YTHDC2: variants seen among roughly 807,000 people sequenced by gnomAD.
YTHDC2 encodes 3'-5' RNA helicase YTHDC2.
A neutral mutation model predicts 174.9 loss-of-function variants in YTHDC2; 45 were observed. The ratio of observed to expected loss-of-function variants is 0.26; its 90% CI spans 0.20 to 0.33. The LOEUF is 0.33. Among genes scored for constraint, YTHDC2 ranks in the 10% least tolerant of loss-of-function variants. The pLI is 1.00. For synonymous variants in YTHDC2, 657 were observed against 574.5 expected, an observed-to-expected ratio of 1.14 and a Z score of -2.05; for missense variants, 1,650 against 1,723.7, an observed-to-expected ratio of 0.96 and a Z score of 0.76.
At position 113,532,793 on chromosome 5, in the gene YTHDC2, A is replaced by G. The variant is rs943741612; in HGVS notation, c.676-86A>G. 4.8e-6 allele frequency: 6 copies of G among 1,259,500 alleles called. No homozygotes were observed. In the Admixed American group the frequency reaches 7.0e-5, roughly 15 times the overall value. 78.0% of individuals were successfully genotyped at this position (1,259,500 alleles called of 1,614,324 possible). A position where few individuals can be genotyped will look rare whatever the true frequency, so the allele number is the denominator to read the frequency against. ...TATTTGGACTTGTTATAGAACTTCA[A>G]TTCTAGTGGTTTTTCAGTTGATTCA... is the stretch of plus-strand genomic sequence containing the variant. On this transcript the variant is annotated intron_variant, in intron 4 of 29. Transcript: ENST00000161863.
Position 113,553,767 on chromosome 5 carries a change from A to G in YTHDC2, c.1965A>G (p.Arg655=), listed in dbSNP as rs540460844. The G allele has an allele frequency of 3.7e-6, 6 of 1,612,546 alleles. No homozygotes were observed. In the South Asian group the frequency reaches 6.6e-5, roughly 18 times the overall value. The change falls in exon 15 of 30, where the codon AGA becomes AGG. Residue 655 remains arginine, a splice_region_variant and synonymous_variant. Transcript: ENST00000161863. The part of the protein sequence containing the change: ...DDKRFADSTH[R]YQVFMLHSNM... ...TGTTTTCTCTTTCAATTGTCTGCAG[A>G]TACCAAGTCTTTATGCTTCATTCAA...
At chr5:113,522,066 GGAAA>G (rs1773902821) in intron 2 of YTHDC2, among the ~76,000 whole-genome samples, 1 of 151,624 alleles carries the variant, frequency 6.6e-6, no homozygotes, top group Non-Finnish European at 1.5e-5. Context: ...TCTGCCTAAT[GGAAA>G]TATAAATTAA....
In YTHDC2 at chr5:113,567,406, A is replaced by T. The variant is rs554000763; in HGVS notation, c.3048+109A>T. 1,059 of 143,710 alleles carry T rather than the reference A, an allele frequency of 7.4e-3. 4 individuals are homozygous for T. Among genetic ancestry groups the T allele is most frequent in the East Asian group, 0.017 (90 of 5,388 alleles). 8.9% of individuals were successfully genotyped at this position (143,710 alleles called of 1,614,324 possible). A position where few individuals can be genotyped will look rare whatever the true frequency, so the allele number is the denominator to read the frequency against. Reference sequence around the variant, plus strand: ...GCCTGCTTTAAGAAATTAATTAGTTATATATATATATATATATATATCATT... The same window carrying T: ...GCCTGCTTTAAGAAATTAATTAGTTTTATATATATATATATATATATCATT... On this transcript the variant is annotated intron_variant, in intron 22 of 29. Transcript: ENST00000161863.
chr5:113,584,305 A>C lies in YTHDC2; in HGVS notation c.3651A>C (p.Val1217=), dbSNP rs750426658. The C allele has an allele frequency of 2.8e-5, 45 of 1,610,828 alleles. No individual in the cohort carries two copies. Among genetic ancestry groups the C allele is most frequent in the Non-Finnish European group, 3.7e-5 (44 of 1,178,360 alleles). Residue 1217 remains valine, a synonymous_variant, in exon 26 of 30, where the codon GTA becomes GTC. Coordinates refer to ENST00000161863, the MANE Select transcript of YTHDC2 (RefSeq NM_022828.5). ...TGCTTCCTCCTTCTTGCTCAAGAGT[A>C]CTGATGAAATCTCCATCTCCAGCAT... The part of the protein sequence containing the change: ...FSDECTTAER[V]LMKSPSPALH...
chr5:113,529,097 A>G (rs571726752), intron 4 of YTHDC2, among the ~76,000 whole-genome samples: 1 of 152,096 alleles, frequency 6.6e-6, no homozygotes, highest in African/African-American at 2.4e-5. Context: ...TGTCTAAACA[A>G]CTGCATAGTA....
rs529938671 is a variant in YTHDC2, at chr5:113,579,993, C to A, written c.3354+298C>A. On this transcript the variant is annotated intron_variant, in intron 24 of 29. Transcript: ENST00000161863. ...TTTATTTCTCACAGTTCTGAAGGAT[C>A]TTAAGTCTGAGATCAAGGTGCTGAC... 86 of 952,806 alleles carry A rather than the reference C, an allele frequency of 9.0e-5. No homozygotes were observed. The African/African-American group carries it at 1.4e-3, about 16-fold the overall frequency. 59.0% of individuals were successfully genotyped at this position (952,806 alleles called of 1,614,324 possible).
chr5:113,582,992 T>C (rs1015851678), intron 25 of YTHDC2: 2 of 152,196 alleles, frequency 1.3e-5, no homozygotes, highest in African/African-American at 4.8e-5. Flanking sequence ...TAGAATTTTC[T>C]TGAGCATTAG....
intron 2 of YTHDC2, among the ~76,000 whole-genome samples, chr5:113,522,298 T>G (rs1434781813): frequency 6.6e-6 from 1 of 152,134 alleles, no homozygotes; most frequent in African/African-American, 2.4e-5. Context: ...ATGTTTGTAT[T>G]TGATTTAAAT....
chr5:113,592,265 AG>A, intron 28 of YTHDC2, 87 bp downstream of exon 28: 1 of 1,333,278 alleles, frequency 7.5e-7, no homozygotes, highest in Non-Finnish European at 1.0e-6. Flanking sequence ...AAAATGTAAG[AG>A]TACAAATTTT....
chr5:113,541,347 A>G (rs1037245053), intron 9 of YTHDC2, among the ~76,000 whole-genome samples: 4 of 151,990 alleles, frequency 2.6e-5, no homozygotes, highest in Non-Finnish European at 5.9e-5. Flanking sequence ...GCCCGCCACC[A>G]TGTCCAGCTA....
intron 23 of YTHDC2, among the ~76,000 whole-genome samples, chr5:113,572,246 C>T (rs2112756204): frequency 6.6e-6 from 1 of 152,322 alleles, no homozygotes; most frequent in Admixed American, 6.5e-5. Flanking sequence ...CATTCAGGAG[C>T]AGGTTGTTCA....
At position 113,569,120 on chromosome 5, in the gene YTHDC2, CAT is replaced by C. The variant is rs1446381048; in HGVS notation, c.3244+1274_3244+1275del. 4.6e-5 allele frequency among the ~76,000 whole-genome samples: 7 copies of C among 152,020 alleles called. No individual in the cohort carries two copies. The South Asian group carries it at 6.2e-4, about 14-fold the overall frequency. On this transcript the variant is annotated intron_variant, in intron 23 of 29. Transcript: ENST00000161863. The stretch of plus-strand genomic sequence containing the variant: ...TGATCAGTGACGTTGAGCTTTTTTT[CAT>C]ATGTTTGTTGGCCACATGTACATCT...
chr5:113,564,085 C>T lies in YTHDC2; in HGVS notation c.2669C>T (p.Thr890Ile). Residue 890 changes from threonine to isoleucine, a missense_variant, in exon 20 of 30, where the codon ACT (threonine) becomes ATT (isoleucine). By Grantham distance (89) the Thr-to-Ile change is moderately conservative. This residue lies in a region of YTHDC2 where 913 missense variants were observed against 940.4 expected (regional missense o/e 0.97). Transcript: ENST00000161863. ...RAAMLCRKRF[T>I]AGAFSDHMAL... is the part of the protein sequence containing the mutation. The stretch of plus-strand genomic sequence containing the variant: ...GCTATGCTTTGTAGGAAACGTTTTA[C>T]TGCAGGAGCTTTCAGTGACCATATG... The T allele has an allele frequency of 6.2e-7, 1 of 1,614,158 alleles. No homozygotes were observed. Among genetic ancestry groups the T allele is most frequent in the Non-Finnish European group, 8.5e-7 (1 of 1,180,018 alleles).
At chr5:113,581,013 G>T (rs183350733) in intron 24 of YTHDC2, among the ~76,000 whole-genome samples, 12 of 152,210 alleles carry the variant, frequency 7.9e-5, no homozygotes, top group African/African-American at 2.9e-4. Flanking sequence ...TTAGGAACTG[G>T]TGACTTTCAA....
At position 113,532,882 on chromosome 5, in the gene YTHDC2, C is replaced by G. The variant is rs145317985; in HGVS notation, c.679C>G (p.Pro227Ala). 2 of 1,606,506 alleles carry G rather than the reference C, an allele frequency of 1.2e-6. No individual in the cohort carries two copies. The highest frequency in any genetic ancestry group is 1.7e-6 in the Non-Finnish European group (2 of 1,175,398). Residue 227 changes from proline to alanine, a missense_variant, in exon 5 of 30, where the codon CCT becomes GCT. Coordinates refer to ENST00000161863, the MANE Select transcript of YTHDC2 (RefSeq NM_022828.5). ...GTTTTTAAAACTTTTGTTTCAGATT[C>G]CTCAGTTCCTTTTAGATGATTGCTT... ...ETGSGKTTQI[P>A]QFLLDDCFKN...
intron 20 of YTHDC2, chr5:113,565,625 G>C (rs1014199778): frequency 7.9e-6 from 2 of 251,836 alleles, no homozygotes; most frequent in South Asian, 8.3e-5. Flanking sequence ...AGATGCATCT[G>C]AGAAGGCAAA....
chr5:113,587,437 T>C, intron 26 of YTHDC2, among the ~76,000 whole-genome samples: 1 of 82,330 alleles, frequency 1.2e-5, no homozygotes, highest in East Asian at 3.0e-4. Flanking sequence ...ATATAATATA[T>C]AAATATATAT....
chr5:113,517,848 C>T (rs1773571399), intron 2 of YTHDC2, among the ~76,000 whole-genome samples: 1 of 152,118 alleles, frequency 6.6e-6, no homozygotes, highest in Non-Finnish European at 1.5e-5. Flanking sequence ...TTGTACCTGA[C>T]TTATCCATGA....
At chr5:113,530,412 C>T (rs1334051529) in intron 4 of YTHDC2, among the ~76,000 whole-genome samples, 8 of 152,046 alleles carry the variant, frequency 5.3e-5, no homozygotes, top group Non-Finnish European at 2.9e-5. Context: ...GCATAATATT[C>T]TTCTTCATTA....
Sources: gnomAD v4.1 joint callset for allele counts (sites outside exome capture counted in the v4.1 genomes callset) on GRCh38, gnomAD v4.1.1 for gene constraint, gnomAD v4.1.1 regional missense constraint, MANE v1.5 for transcripts, NCBI Gene and HGNC (gene_info 2026-07-23, HGNC 2026-07-21) for gene names.